FHIP1A: variants seen among roughly 807,000 people sequenced by gnomAD.
The protein encoded by FHIP1A is FHF complex subunit HOOK interacting protein 1A.
Under a neutral mutation model 88.6 loss-of-function variants are expected in FHIP1A, and 61 were observed. That is an observed-to-expected ratio of 0.69 (90% CI 0.56 to 0.85). The LOEUF is 0.85. Among genes scored for constraint, FHIP1A ranks in the 40% least tolerant of loss-of-function variants. The pLI, the probability that FHIP1A is intolerant of heterozygous loss-of-function variation, is 0.00. For missense variants in FHIP1A, 1,154 were observed against 1,273.5 expected (o/e 0.91, Z 1.43); for synonymous variants, 478 against 496.0 (o/e 0.96, Z 0.48).
At chr4:151,511,709 G>A (rs1731040292) in intron 3 of FHIP1A, among the ~76,000 whole-genome samples, 1 of 152,224 alleles carries the variant, frequency 6.6e-6, no homozygotes. Context: ...AGATCAAACT[G>A]CAAGGTGTCA....
intron 1 of FHIP1A, among the ~76,000 whole-genome samples, chr4:151,446,907 C>G (rs1728631166): frequency 6.6e-6 from 1 of 152,006 alleles, no homozygotes; most frequent in African/African-American, 2.4e-5. Context: ...AATGCTGATC[C>G]AGACTTATAA....
chr4:151,461,280 G>C (rs998468815), intron 2 of FHIP1A, among the ~76,000 whole-genome samples: 4 of 152,158 alleles, frequency 2.6e-5, no homozygotes, highest in African/African-American at 9.7e-5. Context: ...GAGAAAACTT[G>C]TTGGATGAAA....
At chr4:151,457,034 CAG>C (rs1258248539) in intron 2 of FHIP1A, among the ~76,000 whole-genome samples, 1 of 152,054 alleles carries the variant, frequency 6.6e-6, no homozygotes, top group Admixed American at 6.6e-5. Flanking sequence ...CTGGGAATGA[CAG>C]AAGGAGATTT....
In FHIP1A at chr4:151,578,027, A is replaced by G. The variant is rs1560779299; in HGVS notation, c.683A>G (p.Glu228Gly). 2 of 1,550,808 alleles carry G rather than the reference A, an allele frequency of 1.3e-6. No homozygotes were observed. Among genetic ancestry groups the G allele is most frequent in the Non-Finnish European group, 1.7e-6 (2 of 1,146,876 alleles). Residue 228 changes from glutamate (E) to glycine (G), a missense_variant, in exon 5 of 14, where the codon GAG (glutamate) becomes GGG (glycine). By Grantham distance (98) the Glu-to-Gly change is moderately conservative (BLOSUM62 -2). Transcript: ENST00000435205. ...ALLFIMSLSAENTMVAHHIVE... is the reference protein window; with the variant it reads ...ALLFIMSLSAGNTMVAHHIVE... The stretch of plus-strand genomic sequence containing the variant: ...CTCTTCATCATGTCTCTTTCTGCTG[A>G]GAACACCATGGTGGCCCATCACATC...
intron 8 of FHIP1A, among the ~76,000 whole-genome samples, chr4:151,637,404 A>G (rs1056442767): frequency 6.6e-5 from 10 of 152,150 alleles, no homozygotes; most frequent in African/African-American, 2.2e-4. Context: ...AAGTTTTGCA[A>G]ATCATATATC....
In FHIP1A at chr4:151,566,151, A is replaced by T; in HGVS notation, c.-109A>T. On this transcript the variant is annotated 5_prime_UTR_variant, in exon 4 of 14. Transcript: ENST00000435205. Reference sequence around the variant, plus strand: ...TTGCCATTACAGGTTTTGGAAGGTGACAATGAAATGTGAAGAAGTTACATT... The same window carrying T: ...TTGCCATTACAGGTTTTGGAAGGTGTCAATGAAATGTGAAGAAGTTACATT... 1.7e-6 allele frequency: 1 copy of T among 589,604 alleles called. No individual in the cohort carries two copies. Among genetic ancestry groups the T allele is most frequent in the Non-Finnish European group, 2.9e-6 (1 of 340,880 alleles). The allele number at this position is 589,604 out of a possible 1,614,324, so 36.5% of individuals were successfully genotyped here. A position where few individuals can be genotyped will look rare whatever the true frequency, so the allele number is the denominator to read the frequency against.
chr4:151,668,836 C>T lies in FHIP1A; in HGVS notation c.*6082C>T, dbSNP rs1176422122. Among the ~76,000 whole-genome samples, 2 of 152,228 alleles carry T rather than the reference C, an allele frequency of 1.3e-5. No homozygotes were observed. The highest frequency in any genetic ancestry group is 4.8e-5 in the African/African-American group (2 of 41,460). On this transcript the variant is annotated 3_prime_UTR_variant, in exon 14 of 14. Coordinates refer to ENST00000435205, the MANE Select transcript of FHIP1A (RefSeq NM_001109977.3). The stretch of plus-strand genomic sequence containing the variant: ...AGGCAACAGAACACAGGGTTTGGGC[C>T]TGACCAGGCAGAGCTGGTTCAAGCC...
rs146881328 is a variant in FHIP1A, at chr4:151,506,087, A to G, written c.-123+23439A>G. 1.6e-3 allele frequency among the ~76,000 whole-genome samples: 242 copies of G among 152,170 alleles called. 1 individual carries two copies. The highest frequency in any genetic ancestry group is 5.8e-3 in the African/African-American group (239 of 41,522). On this transcript the variant is annotated intron_variant, in intron 3 of 13. Transcript: ENST00000435205. ...ACAGCACATGCCACCATGCATGGCT[A>G]ATTTTTTCATTTTTGTAGAGGTGGG...
rs182383685 is a variant in FHIP1A, at chr4:151,552,860, A to G, written c.-122-13278A>G. ...AAAAGAAAAAACAAAAGCAAAAACA[A>G]AAAGATGTAATCTGTTAACAGATCC... On this transcript the variant is annotated intron_variant, in intron 3 of 13. Coordinates refer to ENST00000435205, the MANE Select transcript of FHIP1A (RefSeq NM_001109977.3). Among the ~76,000 whole-genome samples the G allele has an allele frequency of 9.2e-5, 14 of 152,078 alleles. No individual in the cohort carries two copies. The East Asian group carries it at 2.3e-3, about 25-fold the overall frequency.
At chr4:151,544,929 T>C (rs1012777334) in intron 3 of FHIP1A, among the ~76,000 whole-genome samples, 1 of 152,052 alleles carries the variant, frequency 6.6e-6, no homozygotes, top group Non-Finnish European at 1.5e-5. Flanking sequence ...AATACAAAAA[T>C]TAGCCAGGTG....
At chr4:151,447,564 G>C (rs936539134) in intron 1 of FHIP1A, among the ~76,000 whole-genome samples, 3 of 151,988 alleles carry the variant, frequency 2.0e-5, no homozygotes, top group Admixed American at 1.3e-4. Context: ...CATTTATATT[G>C]TTTATTTTTA....
chr4:151,608,075 C>A (rs11729136), intron 7 of FHIP1A, among the ~76,000 whole-genome samples: 31,553 of 109,348 alleles, frequency 0.29, 4,565 homozygotes, highest in Middle Eastern at 0.46. Flanking sequence ...GATGGCGTCT[C>A]ACTCTGTTCC....
chr4:151,634,480 G>T (rs1254919793), intron 8 of FHIP1A, among the ~76,000 whole-genome samples: 2 of 151,854 alleles, frequency 1.3e-5, no homozygotes, highest in Admixed American at 6.6e-5. Flanking sequence ...GAAGGAAAAA[G>T]TTGGAGAGCT....
chr4:151,598,747 G>A (rs17275577), intron 7 of FHIP1A, among the ~76,000 whole-genome samples: 39,653 of 152,090 alleles, frequency 0.26, 5,816 homozygotes, highest in Non-Finnish European at 0.33. Context: ...GTTTTCTATA[G>A]TGTGAATAGG....
At chr4:151,612,090 T>A (rs1425719383) in intron 7 of FHIP1A, among the ~76,000 whole-genome samples, 2 of 152,094 alleles carry the variant, frequency 1.3e-5, no homozygotes, top group African/African-American at 4.8e-5. Context: ...ACCAGAGAGG[T>A]TAAGTGACTT....
At chr4:151,486,467 T>C (rs1730086534) in intron 3 of FHIP1A, among the ~76,000 whole-genome samples, 1 of 152,172 alleles carries the variant, frequency 6.6e-6, no homozygotes, top group Non-Finnish European at 1.5e-5. Flanking sequence ...TTTATGTGCA[T>C]TTTAACGAGC....
Position 151,504,562 on chromosome 4 carries a change from TTTATGTTATG to T in FHIP1A, c.-123+21951_-123+21960del, listed in dbSNP as rs59935750. ...TTAGCTCATCTAGCTGGGAAAAAAT[TTTATGTTATG>T]TTATGTTATGTTATGTTATGTTATG... On this transcript the variant is annotated intron_variant, in intron 3 of 13. Coordinates refer to ENST00000435205, the MANE Select transcript of FHIP1A (RefSeq NM_001109977.3). Among the ~76,000 whole-genome samples, 125 of 145,236 alleles carry T rather than the reference TTTATGTTATG, an allele frequency of 8.6e-4. 1 individual carries two copies. The South Asian group carries it at 0.011, about 13-fold the overall frequency.
chr4:151,513,513 G>C (rs958684264), intron 3 of FHIP1A, among the ~76,000 whole-genome samples: 1 of 152,224 alleles, frequency 6.6e-6, no homozygotes, highest in East Asian at 1.9e-4. Context: ...CTGGCAAATT[G>C]GATAAAGAGT....
chr4:151,529,788 G>A (rs1731805941), intron 3 of FHIP1A, among the ~76,000 whole-genome samples: 1 of 152,180 alleles, frequency 6.6e-6, no homozygotes, highest in African/African-American at 2.4e-5. Context: ...GCCAAAAGAG[G>A]TTAAGTACTT....
Sources: allele counts gnomAD v4.1 joint callset (sites outside exome capture counted in the v4.1 genomes callset), GRCh38; gene constraint gnomAD v4.1.1; transcripts MANE v1.5; gene names NCBI Gene and HGNC (gene_info 2026-07-23, HGNC 2026-07-21).